Variants in CDC42BPA observed in about 807,000 individuals in gnomAD.
CDC42BPA encodes serine/threonine-protein kinase MRCK alpha.
Under a neutral mutation model 223.5 loss-of-function variants are expected in CDC42BPA, and 80 were observed. That is an observed-to-expected ratio of 0.36 (90% CI 0.30 to 0.43). The LOEUF (loss-of-function observed/expected upper bound fraction) is 0.43, where lower values mean the gene tolerates loss of function less well. Ranked by LOEUF, CDC42BPA falls within the 20% of genes least tolerant of loss-of-function variation. The pLI is 1.00. For missense variants in CDC42BPA, 1,743 were observed against 2,099.9 expected (o/e 0.83, Z 3.32); for synonymous variants, 694 against 718.6 (o/e 0.97, Z 0.55).
chr1:227,139,298 G>C (rs1239185404), intron 10 of CDC42BPA, among the ~76,000 whole-genome samples: 1 of 152,094 alleles, frequency 6.6e-6, no homozygotes, highest in Non-Finnish European at 1.5e-5. Context: ...AACGAAGTGA[G>C]GAGGGTCCCA....
intron 30 of CDC42BPA, among the ~76,000 whole-genome samples, chr1:227,028,440 T>C (rs1419846922): frequency 6.6e-6 from 1 of 152,228 alleles, no homozygotes; most frequent in Non-Finnish European, 1.5e-5. Flanking sequence ...GAAAGATGTT[T>C]TGTTTAAATT....
intron 10 of CDC42BPA, among the ~76,000 whole-genome samples, chr1:227,137,648 T>G (rs1009415622): frequency 4.7e-5 from 7 of 147,382 alleles, no homozygotes; most frequent in African/African-American, 1.8e-4. Flanking sequence ...TTTTTATTGC[T>G]GATATACAAT....
intron 35 of CDC42BPA, among the ~76,000 whole-genome samples, chr1:227,002,939 G>C (rs1221338746): frequency 6.6e-6 from 1 of 152,150 alleles, no homozygotes; most frequent in African/African-American, 2.4e-5. Context: ...GGCAGTGTGA[G>C]ATAATAAATG....
chr1:227,027,379 T>C (rs535192008), intron 30 of CDC42BPA, among the ~76,000 whole-genome samples: 1 of 152,234 alleles, frequency 6.6e-6, no homozygotes, highest in East Asian at 1.9e-4. Context: ...CCCATACCCA[T>C]CACTCCTCCT....
chr1:227,281,568 G>A lies in CDC42BPA; in HGVS notation c.179-27413C>T, dbSNP rs547753688. The stretch of plus-strand genomic sequence containing the variant: ...CCCCACGCTTGCCAGTCTCCAGCTG[G>A]TCAGTCTCCTGTGGCTGGTTCCCCA... On this transcript the variant is annotated intron_variant, in intron 1 of 36. Coordinates refer to ENST00000366766, the MANE Select transcript of CDC42BPA (RefSeq NM_001394014.1). 2.0e-5 allele frequency among the ~76,000 whole-genome samples: 3 copies of A among 152,278 alleles called. No individual in the cohort carries two copies. In the South Asian group the frequency reaches 6.2e-4, roughly 32 times the overall value.
chr1:227,011,000 C>T (rs781003923), intron 34 of CDC42BPA: 1 of 1,361,052 alleles, frequency 7.3e-7, no homozygotes, highest in East Asian at 4.6e-5. Context: ...TAGATGTGTT[C>T]AAAGTTGATC....
At chr1:227,157,789 T>G (rs1558636243) in intron 6 of CDC42BPA, among the ~76,000 whole-genome samples, 1 of 152,094 alleles carries the variant, frequency 6.6e-6, no homozygotes, top group Non-Finnish European at 1.5e-5. Context: ...GGCTGTTTCT[T>G]CTCCTATCTC....
rs751330332 is a variant in CDC42BPA at position 227,034,716 on chromosome 1, C to T, written c.3415G>A (p.Asp1139Asn). 15 of 1,613,612 alleles carry T rather than the reference C, an allele frequency of 9.3e-6. No individual in the cohort carries two copies. Among genetic ancestry groups the T allele is most frequent in the Admixed American group, 1.7e-5 (1 of 59,980 alleles). Residue 1139 changes from aspartate (D) to asparagine (N), a missense_variant, in exon 26 of 37, where the codon GAT becomes AAT. Physicochemically the swap from Asp to Asn is conservative, Grantham distance 23 (BLOSUM62 1). This residue lies in a region of CDC42BPA where 678 missense variants were observed against 777.5 expected (regional missense o/e 0.87). Coordinates refer to ENST00000366766, the MANE Select transcript of CDC42BPA (RefSeq NM_001394014.1). ...TGAGATGCTTTTCCTTCAGCAATATCGTACAGAAAGAGTTTGAAGTCACAC... is the reference window on the plus strand; with the variant it reads ...TGAGATGCTTTTCCTTCAGCAATATTGTACAGAAAGAGTTTGAAGTCACAC... ...IVCDFKLFLYDIAEGKASQPS... is the reference protein window; with the variant it reads ...IVCDFKLFLYNIAEGKASQPS...
At chr1:227,022,684 T>C (rs866527284) in intron 32 of CDC42BPA, among the ~76,000 whole-genome samples, 11 of 152,324 alleles carry the variant, frequency 7.2e-5, no homozygotes, top group African/African-American at 2.6e-4. Context: ...TGGCATTTTA[T>C]GTGTGGTATG....
At chr1:227,041,643 A>G (rs1405985874) in intron 23 of CDC42BPA, among the ~76,000 whole-genome samples, 1 of 152,196 alleles carries the variant, frequency 6.6e-6, no homozygotes, top group East Asian at 1.9e-4. Flanking sequence ...ATCTTTTTAC[A>G]TAGAAAAACC....
At chr1:227,126,700 C>CCTA (rs1211238299) in intron 11 of CDC42BPA, among the ~76,000 whole-genome samples, 2 of 152,116 alleles carry the variant, frequency 1.3e-5, no homozygotes, top group Non-Finnish European at 1.5e-5. Context: ...TTAAAATCAA[C>CCTA]CAATGTAATT....
chr1:227,222,127 G>A (rs570459046), intron 2 of CDC42BPA, among the ~76,000 whole-genome samples: 2 of 151,896 alleles, frequency 1.3e-5, no homozygotes, highest in South Asian at 2.1e-4. Context: ...CAGCTACTTG[G>A]GAGGCTGAGA....
chr1:227,248,412 A>G (rs1219526839), intron 2 of CDC42BPA, among the ~76,000 whole-genome samples: 1 of 152,140 alleles, frequency 6.6e-6, no homozygotes, highest in Non-Finnish European at 1.5e-5. Context: ...CAAATTCAGT[A>G]AAGTTGCAGG....
At position 227,260,920 on chromosome 1, in the gene CDC42BPA, T is replaced by A. The variant is rs1046835185; in HGVS notation, c.179-6765A>T. On this transcript the variant is annotated intron_variant, in intron 1 of 36. Transcript: ENST00000366766. ...TAATAAAGCCATGTTAAAACTGTTA[T>A]CAATTATGCCAGGCTCTGTGTCTAA... Among the ~76,000 whole-genome samples, 80 of 151,050 alleles carry A rather than the reference T, an allele frequency of 5.3e-4. 1 individual carries two copies. The highest frequency in any genetic ancestry group is 1.1e-3 in the Non-Finnish European group (78 of 68,014).
chr1:227,040,632 C>T (rs1337324060), intron 23 of CDC42BPA, among the ~76,000 whole-genome samples: 1 of 151,988 alleles, frequency 6.6e-6, no homozygotes, highest in Non-Finnish European at 1.5e-5. Flanking sequence ...ATGCTTTATA[C>T]CTTCTTAGGA....
At chr1:227,012,250 A>G (rs1405314392) in intron 34 of CDC42BPA, among the ~76,000 whole-genome samples, 3 of 152,232 alleles carry the variant, frequency 2.0e-5, no homozygotes, top group African/African-American at 7.2e-5. Context: ...GAGGTAAAGT[A>G]TTATTCTTGC....
Position 227,008,022 on chromosome 1 carries a change from A to G in CDC42BPA, c.4858-2911T>C, listed in dbSNP as rs1188994039. On this transcript the variant is annotated intron_variant, in intron 34 of 36. Transcript: ENST00000366766. The stretch of plus-strand genomic sequence containing the variant: ...GCTGACAGTTCAGTTTGTCCTGGTT[A>G]TAAGCAGGCATATGGTTCCCTAGCC... Among the ~76,000 whole-genome samples, 3 of 152,234 alleles carry G rather than the reference A, an allele frequency of 2.0e-5. No individual in the cohort carries two copies. In the East Asian group the frequency reaches 5.8e-4, roughly 29 times the overall value.
At chr1:227,105,728 T>C (rs1685810139) in intron 14 of CDC42BPA, among the ~76,000 whole-genome samples, 1 of 152,202 alleles carries the variant, frequency 6.6e-6, no homozygotes, top group South Asian at 2.1e-4. Context: ...TGGCTTCTTT[T>C]ACTTAGTACG....
intron 2 of CDC42BPA, among the ~76,000 whole-genome samples, chr1:227,231,393 T>G (rs1479626458): frequency 1.3e-5 from 2 of 152,216 alleles, no homozygotes; most frequent in African/African-American, 2.4e-5. Flanking sequence ...TCATGGACAT[T>G]TGGGTTGGCT....
Sources: gnomAD v4.1 joint callset for allele counts (sites outside exome capture counted in the v4.1 genomes callset) on GRCh38, gnomAD v4.1.1 for gene constraint, gnomAD v4.1.1 regional missense constraint, MANE v1.5 for transcripts, NCBI Gene and HGNC (gene_info 2026-07-23, HGNC 2026-07-21) for gene names.